ADAMTSL1: variants seen among roughly 807,000 people sequenced by gnomAD.
ADAMTSL1 encodes ADAMTS like 1, also known as ADAMTS-like protein 1.
A neutral mutation model predicts 201.8 loss-of-function variants in ADAMTSL1; 126 were observed. The observed-to-expected ratio is 0.62, with a 90% CI of 0.54 to 0.72. The LOEUF is 0.72. Among genes scored for constraint, ADAMTSL1 ranks in the 30% least tolerant of loss-of-function variants. The pLI, the probability that ADAMTSL1 is intolerant of heterozygous loss-of-function variation, is 0.00. For synonymous variants in ADAMTSL1, 1,121 were observed against 903.4 expected, an observed-to-expected ratio of 1.24 and a Z score of -4.32; for missense variants, 2,679 against 2,277.8, an observed-to-expected ratio of 1.18 and a Z score of -3.59.
At chr9:18,639,231 T>A (rs751482543) in intron 6 of ADAMTSL1, 23 bp from the exon 7 acceptor site, 11 of 1,611,568 alleles carry the variant, frequency 6.8e-6, no homozygotes, top group Non-Finnish European at 2.5e-6. Context: ...CTTTCTCTCA[T>A]CTTCACGTGT....
intron 4 of ADAMTSL1, among the ~76,000 whole-genome samples, chr9:18,598,919 A>G (rs193135390): frequency 1.2e-4 from 18 of 152,272 alleles, no homozygotes; most frequent in African/African-American, 4.3e-4. Flanking sequence ...CCAAAGTCAC[A>G]CTCAAATGAA....
At chr9:18,516,248 AAGAG>A (rs1233837495) in intron 2 of ADAMTSL1, among the ~76,000 whole-genome samples, 1 of 152,174 alleles carries the variant, frequency 6.6e-6, no homozygotes, top group Non-Finnish European at 1.5e-5. Flanking sequence ...GAAAGAAAGA[AAGAG>A]AGAGAGATGG....
chr9:18,866,246 TAC>T (rs1399340307), intron 23 of ADAMTSL1, among the ~76,000 whole-genome samples: 1 of 151,840 alleles, frequency 6.6e-6, no homozygotes, highest in African/African-American at 2.4e-5. Context: ...ACTGGGAACA[TAC>T]ACAGTGGGGA....
chr9:18,680,243 G>A (rs903249530), intron 10 of ADAMTSL1, 69 bp from the exon 11 acceptor site: 52 of 1,477,202 alleles, frequency 3.5e-5, no homozygotes, highest in African/African-American at 4.2e-5. Context: ...GGAGTGGGTT[G>A]GTGGACCAGT....
chr9:18,322,733 A>AC (rs1285904697), intron 2 of ADAMTSL1, among the ~76,000 whole-genome samples: 1 of 152,196 alleles, frequency 6.6e-6, no homozygotes, highest in East Asian at 1.9e-4. Flanking sequence ...CCAATACCAG[A>AC]AATAAGAGTG....
chr9:18,791,631 G>A (rs376267876), intron 19 of ADAMTSL1, among the ~76,000 whole-genome samples: 16 of 152,206 alleles, frequency 1.1e-4, no homozygotes, highest in South Asian at 4.1e-4. Flanking sequence ...ATAAATATAA[G>A]TGACTTTTAT....
rs1363592668 is a variant in ADAMTSL1 at position 18,717,907 on chromosome 9, G to A, written c.1877-3629G>A. 5.5e-5 allele frequency: 60 copies of A among 1,084,774 alleles called. 1 individual carries two copies. In the South Asian group the frequency reaches 7.4e-4, roughly 13 times the overall value. The allele number at this position is 1,084,774 out of a possible 1,614,324, so 67.2% of individuals were successfully genotyped here. ...CTGGTAGGTTTAACAAAGTTGGAGTGTTGGCACTATTGAATTGGACAACAG... is the reference window on the plus strand; with the variant it reads ...CTGGTAGGTTTAACAAAGTTGGAGTATTGGCACTATTGAATTGGACAACAG... On this transcript the variant is annotated intron_variant, in intron 14 of 28. Coordinates refer to ENST00000380548, the MANE Select transcript of ADAMTSL1 (RefSeq NM_001040272.6).
At chr9:18,721,493 C>T in intron 14 of ADAMTSL1, 43 bp from the exon 15 acceptor site, 1 of 1,606,132 alleles carries the variant, frequency 6.2e-7, no homozygotes, top group Non-Finnish European at 8.5e-7. Context: ...CCCACACACA[C>T]ACCCACTTTG....
chr9:18,427,779 T>C (rs1725050180), intron 2 of ADAMTSL1, among the ~76,000 whole-genome samples: 4 of 152,258 alleles, frequency 2.6e-5, no homozygotes, highest in South Asian at 4.1e-4. Flanking sequence ...ATGTTTTTAT[T>C]TAAGATGTGT....
At position 18,777,352 on chromosome 9, in the gene ADAMTSL1, G is replaced by A. The variant is rs1209373640; in HGVS notation, c.3123G>A (p.Ser1041=). 1 of 1,602,166 alleles carries A rather than the reference G, an allele frequency of 6.2e-7. No homozygotes were observed. The highest frequency in any genetic ancestry group is 8.5e-7 in the Non-Finnish European group (1 of 1,174,876). The stretch of plus-strand genomic sequence containing the variant: ...GCTGGCCCGGAGAGCTGCTGGCCTC[G>A]TGGGAGGCGCAGGACTCTGCGGAAA... ...QGGWPGELLA[S]WEAQDSAERN... Residue 1041 remains serine, a synonymous_variant, in exon 19 of 29, where the codon TCG becomes TCA. Coordinates refer to ENST00000380548, the MANE Select transcript of ADAMTSL1 (RefSeq NM_001040272.6).
intron 2 of ADAMTSL1, among the ~76,000 whole-genome samples, chr9:18,291,691 G>A (rs973757254): frequency 2.2e-4 from 32 of 145,888 alleles, no homozygotes; most frequent in African/African-American, 6.9e-4. Context: ...TCTCGGGTGC[G>A]CACATGCTCT....
intron 7 of ADAMTSL1, 123 bp downstream of exon 7, chr9:18,639,534 A>T (rs1027223290): frequency 8.5e-7 from 1 of 1,176,654 alleles, no homozygotes. Context: ...GTTACCCAGG[A>T]AATGTTTAAT....
At chr9:18,001,754 G>T (rs534352809) in intron 1 of ADAMTSL1, among the ~76,000 whole-genome samples, 51 of 152,106 alleles carry the variant, frequency 3.4e-4, no homozygotes, top group Non-Finnish European at 6.0e-4. Flanking sequence ...GTTGGGGGTG[G>T]AGAGCTCTAG....
intron 1 of ADAMTSL1, among the ~76,000 whole-genome samples, chr9:17,916,557 T>G (rs2383053): frequency 0.52 from 78,283 of 151,888 alleles, 20,377 homozygotes; most frequent in East Asian, 0.69. Flanking sequence ...TTTGCATGAC[T>G]TTTTGCAAAG....
chr9:17,921,196 T>C (rs1317362148), intron 1 of ADAMTSL1, among the ~76,000 whole-genome samples: 1 of 152,202 alleles, frequency 6.6e-6, no homozygotes, highest in Non-Finnish European at 1.5e-5. Flanking sequence ...AATTTTATTT[T>C]CAACAGAGTT....
At position 18,707,061 on chromosome 9, in the gene ADAMTSL1, G is replaced by A; in HGVS notation, c.1876+13G>A. On this transcript the variant is annotated intron_variant, in intron 14 of 28. Transcript: ENST00000380548. ...TCCTGTGGAGGAGGTAAGAAAGGGG[G>A]CTCTGGCTCAGATCCCCGCCATCTT... is the stretch of plus-strand genomic sequence containing the variant. 3.1e-6 allele frequency: 5 copies of A among 1,606,864 alleles called. No homozygotes were observed. In the South Asian group the frequency reaches 3.3e-5, roughly 11 times the overall value.
chr9:18,074,561 C>CTTTTTTTTTTTTTTTTTTTT (rs138619215), intron 1 of ADAMTSL1, among the ~76,000 whole-genome samples: 2 of 131,352 alleles, frequency 1.5e-5, no homozygotes, highest in African/African-American at 2.8e-5. Flanking sequence ...CTTCTCTTTT[C>CTTTTTTTTTTTTTTTTTTTT]TTTTTTTTTT....
At chr9:18,697,140 C>A (rs12686263) in intron 13 of ADAMTSL1, among the ~76,000 whole-genome samples, 33 of 151,852 alleles carry the variant, frequency 2.2e-4, no homozygotes, top group Admixed American at 3.3e-4. Flanking sequence ...CCTCAGCCCC[C>A]CCAAGTGCTG....
intron 21 of ADAMTSL1, among the ~76,000 whole-genome samples, chr9:18,823,588 C>A (rs1037198098): frequency 6.6e-6 from 1 of 152,210 alleles, no homozygotes; most frequent in African/African-American, 2.4e-5. Context: ...CATTTTCTCT[C>A]CCCCTGAGTC....
Sources: gnomAD v4.1 joint callset for allele counts (sites outside exome capture counted in the v4.1 genomes callset) on GRCh38, gnomAD v4.1.1 for gene constraint, MANE v1.5 for transcripts, NCBI Gene and HGNC (gene_info 2026-07-23, HGNC 2026-07-21) for gene names.